The following CDH9 variants were observed in gnomAD, a reference collection of about 807,000 sequenced individuals.
The protein encoded by CDH9 is cadherin-9.
A neutral mutation model predicts 70.9 loss-of-function variants in CDH9; 28 were observed. That is an observed-to-expected ratio of 0.40 (90% CI 0.29 to 0.54). The LOEUF (loss-of-function observed/expected upper bound fraction) is 0.54, where lower values mean the gene tolerates loss of function less well. Ranked by LOEUF, CDH9 falls within the 20% of genes least tolerant of loss-of-function variation. The pLI is 0.59. For missense variants in CDH9, 874 were observed against 984.4 expected (o/e 0.89, Z 1.50); for synonymous variants, 409 against 343.1 (o/e 1.19, Z -2.12).
At chr5:26,896,162 C>T (rs1740746274) in intron 7 of CDH9, among the ~76,000 whole-genome samples, 1 of 151,924 alleles carries the variant, frequency 6.6e-6, no homozygotes, top group South Asian at 2.1e-4. Flanking sequence ...GTACCCTATA[C>T]AAAACAAAGA....
chr5:27,021,243 T>C (rs1743133134), intron 1 of CDH9, among the ~76,000 whole-genome samples: 1 of 151,880 alleles, frequency 6.6e-6, no homozygotes, highest in Non-Finnish European at 1.5e-5. Flanking sequence ...GTTTTACACA[T>C]GAATTGCACA....
chr5:27,033,979 G>A (rs955150272), intron 1 of CDH9, among the ~76,000 whole-genome samples: 2 of 151,472 alleles, frequency 1.3e-5, no homozygotes, highest in African/African-American at 4.8e-5. Context: ...AGCTTCCGGT[G>A]TATATGCTTT....
At chr5:26,926,779 G>GAAAC (rs1220101815) in intron 2 of CDH9, among the ~76,000 whole-genome samples, 1 of 151,928 alleles carries the variant, frequency 6.6e-6, no homozygotes, top group African/African-American at 2.4e-5. Flanking sequence ...AGAGGCCTCA[G>GAAAC]AAACACCGCC....
Position 27,020,747 on chromosome 5 carries a change from C to CTA in CDH9, c.-50+17714_-50+17715dup, listed in dbSNP as rs111950049. Among the ~76,000 whole-genome samples, 1,216 of 137,748 alleles carry CTA rather than the reference C, an allele frequency of 8.8e-3. 8 individuals are homozygous for CTA. The highest frequency in any genetic ancestry group is 0.013 in the Non-Finnish European group (778 of 62,102). 90.4% of individuals were successfully genotyped at this position (137,748 alleles called of 152,430 possible). A position where few individuals can be genotyped will look rare whatever the true frequency, so the allele number is the denominator to read the frequency against. ...ACACACGCACACACACACACACACA[C>CTA]TATATATATATATATATGCCTAGTG... On this transcript the variant is annotated intron_variant, in intron 1 of 11. Transcript: ENST00000231021.
chr5:27,013,264 C>G (rs528841922), intron 1 of CDH9, among the ~76,000 whole-genome samples: 36 of 152,068 alleles, frequency 2.4e-4, no homozygotes, highest in Non-Finnish European at 4.7e-4. Context: ...CAAATATTTT[C>G]TTTTCCTGAC....
At chr5:26,911,549 C>G (rs992068489) in intron 3 of CDH9, among the ~76,000 whole-genome samples, 2 of 151,936 alleles carry the variant, frequency 1.3e-5, no homozygotes, top group Admixed American at 1.3e-4. Context: ...AATTTCCAGT[C>G]ACTGAGAAAG....
intron 2 of CDH9, among the ~76,000 whole-genome samples, chr5:26,918,540 T>C (rs1368516861): frequency 6.6e-6 from 1 of 152,208 alleles, no homozygotes; most frequent in Admixed American, 6.5e-5. Flanking sequence ...AATCAGATCA[T>C]AAATAAAACT....
chr5:26,956,938 G>T (rs888825609), intron 2 of CDH9, among the ~76,000 whole-genome samples: 8 of 150,828 alleles, frequency 5.3e-5, no homozygotes, highest in Non-Finnish European at 1.0e-4. Context: ...TCTGGGTCAT[G>T]GTTGTACTCA....
At chr5:26,912,740 G>C (rs926443135) in intron 3 of CDH9, among the ~76,000 whole-genome samples, 1 of 151,956 alleles carries the variant, frequency 6.6e-6, no homozygotes, top group African/African-American at 2.4e-5. Flanking sequence ...AAAATAGTAA[G>C]GCATAAAATT....
intron 1 of CDH9, among the ~76,000 whole-genome samples, chr5:26,995,097 C>G (rs1742644888): frequency 1.3e-5 from 2 of 152,116 alleles, no homozygotes; most frequent in Admixed American, 1.3e-4. Context: ...ACTGTTTCCA[C>G]TAGTTTAAAT....
At chr5:26,883,790 C>G (rs888973804) in intron 11 of CDH9, among the ~76,000 whole-genome samples, 2 of 151,942 alleles carry the variant, frequency 1.3e-5, no homozygotes, top group Non-Finnish European at 2.9e-5. Flanking sequence ...TGAAAAGTGT[C>G]CCTACAACCA....
At chr5:26,901,900 C>T (rs1362057828) in intron 7 of CDH9, among the ~76,000 whole-genome samples, 2 of 151,732 alleles carry the variant, frequency 1.3e-5, no homozygotes, top group South Asian at 4.1e-4. Flanking sequence ...TTTAGTAATA[C>T]TCTGTTATGA....
chr5:26,921,544 G>T (rs904587722), intron 2 of CDH9, among the ~76,000 whole-genome samples: 19 of 152,138 alleles, frequency 1.2e-4, no homozygotes, highest in African/African-American at 4.1e-4. Flanking sequence ...CAAACAAAAA[G>T]GTGGAAACTT....
chr5:26,942,238 C>T (rs1741674371), intron 2 of CDH9, among the ~76,000 whole-genome samples: 2 of 152,120 alleles, frequency 1.3e-5, no homozygotes, highest in African/African-American at 4.8e-5. Flanking sequence ...TGAGAACTCA[C>T]TCAGTATCAC....
At chr5:26,911,340 AC>A in intron 3 of CDH9, among the ~76,000 whole-genome samples, 2 of 152,176 alleles carry the variant, frequency 1.3e-5, no homozygotes, top group African/African-American at 4.8e-5. Context: ...TAAATACTTT[AC>A]CAAACGGCCT....
intron 1 of CDH9, among the ~76,000 whole-genome samples, chr5:27,021,647 A>G (rs1362579778): frequency 6.6e-6 from 1 of 151,874 alleles, no homozygotes; most frequent in African/African-American, 2.4e-5. Flanking sequence ...TATCATTGGC[A>G]AAGAGATCCT....
intron 2 of CDH9, among the ~76,000 whole-genome samples, chr5:26,921,245 C>CTTAAGA (rs1741238574): frequency 6.6e-6 from 1 of 151,944 alleles, no homozygotes; most frequent in Non-Finnish European, 1.5e-5. Flanking sequence ...AAGGAACACC[C>CTTAAGA]TTAAGATGCC....
intron 5 of CDH9, 104 bp from the exon 6 acceptor site, chr5:26,903,928 T>C: frequency 4.9e-6 from 3 of 617,820 alleles, no homozygotes; most frequent in Non-Finnish European, 8.3e-6. Flanking sequence ...ATAGGGAGAG[T>C]TTTTATCATA....
At chr5:26,996,277 T>G (rs1212434479) in intron 1 of CDH9, among the ~76,000 whole-genome samples, 1 of 152,056 alleles carries the variant, frequency 6.6e-6, no homozygotes, top group Non-Finnish European at 1.5e-5. Context: ...ATTAATCTAT[T>G]GATCTTCAAA....
Sources: gnomAD v4.1 joint callset for allele counts (sites outside exome capture counted in the v4.1 genomes callset) on GRCh38, gnomAD v4.1.1 for gene constraint, MANE v1.5 for transcripts, NCBI Gene and HGNC (gene_info 2026-07-23, HGNC 2026-07-21) for gene names.